Variants in EHMT1 observed in about 807,000 individuals in gnomAD.
EHMT1 encodes the protein histone-lysine N-methyltransferase EHMT1.
A neutral mutation model predicts 147.2 loss-of-function variants in EHMT1; 15 were observed. The observed-to-expected ratio is 0.10, with a 90% CI of 0.07 to 0.16. The LOEUF (loss-of-function observed/expected upper bound fraction) is 0.16. EHMT1 is among the 10% of genes least tolerant of loss of function. EHMT1 has a pLI of 1.00. For synonymous variants in EHMT1, 795 were observed against 709.6 expected (o/e 1.12, Z -1.91); for missense variants, 1,587 against 1,772.4 (o/e 0.90, Z 1.88).
intron 3 of EHMT1, among the ~76,000 whole-genome samples, chr9:137,722,336 A>ATT (rs1321010011): frequency 6.6e-6 from 1 of 152,260 alleles, no homozygotes; most frequent in Admixed American, 6.5e-5. Context: ...GAGTAATTAA[A>ATT]GTGTAATTGA....
intron 1 of EHMT1, among the ~76,000 whole-genome samples, chr9:137,696,800 A>G (rs1943431728): frequency 6.6e-6 from 1 of 152,220 alleles, no homozygotes; most frequent in African/African-American, 2.4e-5. Flanking sequence ...CCCAAAACAC[A>G]AATGGCAAGG....
chr9:137,760,061 C>G (rs1949686647), intron 9 of EHMT1, among the ~76,000 whole-genome samples: 1 of 152,178 alleles, frequency 6.6e-6, no homozygotes, highest in Non-Finnish European at 1.5e-5. Context: ...GGCGATGTCA[C>G]CCAGCAGCAA....
chr9:137,778,403 C>G (rs965283414), intron 13 of EHMT1, among the ~76,000 whole-genome samples: 5 of 152,242 alleles, frequency 3.3e-5, no homozygotes, highest in Non-Finnish European at 7.3e-5. Flanking sequence ...GGCCACACCC[C>G]ATCTGTGCAA....
At position 137,777,917 on chromosome 9, in the gene EHMT1, T is replaced by C. The variant is rs1367225717; in HGVS notation, c.2054T>C (p.Leu685Pro). 2 of 1,613,658 alleles carry C rather than the reference T, an allele frequency of 1.2e-6. No individual in the cohort carries two copies. The highest frequency in any genetic ancestry group is 2.2e-5 in the South Asian group (2 of 91,068). The change falls in exon 13 of 27, where the codon CTG becomes CCG. Residue 685 changes from leucine (L) to proline (P), a missense_variant. Leu to Pro is a moderately conservative substitution (Grantham distance 98). This residue lies in a region of EHMT1 where 77 missense variants were observed against 79.3 expected (regional missense o/e 0.97). Transcript: ENST00000460843. Reference sequence around the variant, plus strand: ...CCACCACTCTCGGAGGACGACAAGCTGCAGGGTGCAGCCTCCCACGTGCCC... The same window carrying C: ...CCACCACTCTCGGAGGACGACAAGCCGCAGGGTGCAGCCTCCCACGTGCCC... ...AGPPLSEDDK[L>P]QGAASHVPEG...
chr9:137,715,584 T>C, intron 2 of EHMT1: 5 of 985,446 alleles, frequency 5.1e-6, no homozygotes, highest in Non-Finnish European at 6.0e-6. Flanking sequence ...GAGCTCCGTG[T>C]GCACCTAGCG....
At chr9:137,696,145 A>C (rs1209224156) in intron 1 of EHMT1, among the ~76,000 whole-genome samples, 3 of 152,260 alleles carry the variant, frequency 2.0e-5, no homozygotes, top group Non-Finnish European at 4.4e-5. Flanking sequence ...GGAAAAAACA[A>C]AAAGACAAAA....
At chr9:137,663,272 G>A (rs1443614642) in intron 1 of EHMT1, among the ~76,000 whole-genome samples, 2 of 152,144 alleles carry the variant, frequency 1.3e-5, no homozygotes, top group African/African-American at 4.8e-5. Flanking sequence ...TTCTTGTTCT[G>A]ATAGTTGGCT....
intron 1 of EHMT1, among the ~76,000 whole-genome samples, chr9:137,708,982 T>C (rs889319758): frequency 6.6e-6 from 1 of 152,194 alleles, no homozygotes; most frequent in Non-Finnish European, 1.5e-5. Context: ...TCACAGGCCA[T>C]CATCTCACTG....
At chr9:137,785,696 T>C (rs954979546) in intron 15 of EHMT1, 1 of 152,234 alleles carries the variant, frequency 6.6e-6, no homozygotes, top group Non-Finnish European at 1.5e-5. Context: ...CAAAAACATA[T>C]GGTTGCATCA....
chr9:137,678,682 T>C (rs1457738115), intron 1 of EHMT1, among the ~76,000 whole-genome samples: 1 of 151,594 alleles, frequency 6.6e-6, no homozygotes, highest in Non-Finnish European at 1.5e-5. Context: ...AGTTTATAAA[T>C]CAGGCACAGT....
intron 1 of EHMT1, among the ~76,000 whole-genome samples, chr9:137,690,322 A>T (rs887380844): frequency 1.3e-5 from 2 of 151,980 alleles, no homozygotes; most frequent in African/African-American, 2.4e-5. Context: ...GTACATAGAG[A>T]TCAACTTTAT....
At chr9:137,741,633 T>C (rs958428794) in intron 4 of EHMT1, among the ~76,000 whole-genome samples, 1 of 152,222 alleles carries the variant, frequency 6.6e-6, no homozygotes. Flanking sequence ...CCCTTGGGTA[T>C]ATGCAGAGAT....
intron 1 of EHMT1, among the ~76,000 whole-genome samples, chr9:137,675,882 C>T (rs1941244226): frequency 6.9e-6 from 1 of 145,248 alleles, no homozygotes; most frequent in Non-Finnish European, 1.5e-5. Context: ...CTCCCGGGTT[C>T]ACGCCATTCT....
intron 25 of EHMT1, among the ~76,000 whole-genome samples, chr9:137,833,203 C>G (rs371351980): frequency 3.9e-5 from 6 of 152,144 alleles, no homozygotes; most frequent in Admixed American, 3.3e-4. Flanking sequence ...AGGTTGTGGA[C>G]CAGGTGTCTC....
intron 14 of EHMT1, among the ~76,000 whole-genome samples, chr9:137,780,616 G>C (rs1951360000): frequency 7.4e-6 from 1 of 134,722 alleles, no homozygotes. Context: ...TGGGATGTGT[G>C]GTGATGACGC....
intron 1 of EHMT1, among the ~76,000 whole-genome samples, chr9:137,654,865 G>T (rs1219290012): frequency 6.6e-6 from 1 of 152,208 alleles, no homozygotes; most frequent in Non-Finnish European, 1.5e-5. Context: ...CCAGGTGGTG[G>T]GGTACAGCCA....
chr9:137,774,662 G>A (rs1950822668), intron 10 of EHMT1, among the ~76,000 whole-genome samples: 1 of 142,548 alleles, frequency 7.0e-6, no homozygotes, highest in Non-Finnish European at 1.5e-5. Context: ...GGTGGATGTG[G>A]TCGCGCCTGG....
intron 1 of EHMT1, among the ~76,000 whole-genome samples, chr9:137,673,102 T>G (rs1940865048): frequency 6.6e-6 from 1 of 152,234 alleles, no homozygotes; most frequent in Admixed American, 6.5e-5. Flanking sequence ...ATGATTCTGC[T>G]TTGAAGTGCT....
chr9:137,709,641 C>T (rs1247355456), intron 1 of EHMT1, among the ~76,000 whole-genome samples: 2 of 150,556 alleles, frequency 1.3e-5, no homozygotes, highest in Non-Finnish European at 2.9e-5. Context: ...CTCATCCAGA[C>T]GCTGGACACC....
Sources: gnomAD v4.1 joint callset for allele counts (sites outside exome capture counted in the v4.1 genomes callset) on GRCh38, gnomAD v4.1.1 for gene constraint, gnomAD v4.1.1 regional missense constraint, MANE v1.5 for transcripts, NCBI Gene and HGNC (gene_info 2026-07-23, HGNC 2026-07-21) for gene names.